CRHR2: variants seen among roughly 807,000 people sequenced by gnomAD.
CRHR2 encodes corticotropin-releasing hormone receptor 2.
A neutral mutation model predicts 57.9 loss-of-function variants in CRHR2; 53 were observed. The ratio of observed to expected loss-of-function variants is 0.92; its 90% confidence interval spans 0.73 to 1.15. The LOEUF (loss-of-function observed/expected upper bound fraction) is 1.15. Among genes scored for constraint, CRHR2 ranks in the 50% most tolerant of loss-of-function variants. CRHR2 has a pLI of 0.00. For missense variants in CRHR2, 532 were observed against 542.6 expected, an observed-to-expected ratio of 0.98 and a Z score of 0.19; for synonymous variants, 213 against 220.9, an observed-to-expected ratio of 0.96 and a Z score of 0.32.
At chr7:30,682,589 C>T, upstream of CRHR2, 1 of 996,884 alleles carries the variant, frequency 1.0e-6, no homozygotes, top group Non-Finnish European at 1.3e-6. Context: ...AGCCCCCGGG[C>T]CCTCCACCCT....
rs774214059 is a variant in CRHR2 at position 30,662,153 on chromosome 7, T to C, written c.758+3A>G. ...ACCCCCCATGGCTGGCCCATCCACT[T>C]ACTGTTCATTCTCATAGTAGAGCTT... On this transcript the variant is annotated splice_donor_region_variant and intron_variant, in intron 7 of 11. Transcript: ENST00000471646. 6.2e-7 allele frequency: 1 copy of C among 1,613,966 alleles called. No individual in the cohort carries two copies. Among genetic ancestry groups the C allele is most frequent in the Non-Finnish European group, 8.5e-7 (1 of 1,179,928 alleles).
intron 1 of CRHR2, 22 bp downstream of exon 1, chr7:30,682,156 C>G (rs1332376326): frequency 6.5e-7 from 1 of 1,546,070 alleles, no homozygotes; most frequent in South Asian, 1.2e-5. Context: ...GCGCAGCCTC[C>G]GACCGCTCGC....
chr7:30,684,260 GT>G (rs1784809878), upstream of CRHR2, among the ~76,000 whole-genome samples: 1 of 152,242 alleles, frequency 6.6e-6, no homozygotes, highest in Non-Finnish European at 1.5e-5. Context: ...AGGCCAGAGG[GT>G]GGCTGGCCAG....
At chr7:30,664,864 G>C (rs992636710) in intron 5 of CRHR2, among the ~76,000 whole-genome samples, 2 of 151,950 alleles carry the variant, frequency 1.3e-5, no homozygotes, top group Admixed American at 6.6e-5. Context: ...TTCTCAGAGT[G>C]GGGGCAAGAA....
chr7:30,699,140 G>A (rs1562814973), intron 1 of CRHR2, among the ~76,000 whole-genome samples: 3 of 152,126 alleles, frequency 2.0e-5, no homozygotes, highest in Non-Finnish European at 4.4e-5. Flanking sequence ...CTACCACTCT[G>A]AGCCTCAGTT....
chr7:30,666,413 T>C (rs934352465), intron 3 of CRHR2, among the ~76,000 whole-genome samples: 3 of 152,234 alleles, frequency 2.0e-5, no homozygotes, highest in African/African-American at 7.2e-5. Context: ...AAATACTCCT[T>C]CCTGCCAGGG....
Position 30,652,066 on chromosome 7 carries a change from A to G in CRHR2, c.*1394T>C, listed in dbSNP as rs533676158. The G allele has an allele frequency of 3.9e-5, 6 of 152,388 alleles. No individual in the cohort carries two copies. Among genetic ancestry groups the G allele is most frequent in the South Asian group, 4.1e-4 (2 of 4,832 alleles). 9.4% of individuals were successfully genotyped at this position (152,388 alleles called of 1,614,324 possible). ...ACTACATGTCAACTTAAAAATGTGCAAGACGGGATACATGATTTTTCAAAA... is the reference window on the plus strand; with the variant it reads ...ACTACATGTCAACTTAAAAATGTGCGAGACGGGATACATGATTTTTCAAAA... On this transcript the variant is annotated 3_prime_UTR_variant, in exon 12 of 12. Transcript: ENST00000471646. The surrounding 1 kb of genome is among the most constrained non-coding windows in gnomAD (Gnocchi z 4.4).
intron 7 of CRHR2, among the ~76,000 whole-genome samples, chr7:30,661,150 A>G (rs1783983805): frequency 6.6e-6 from 1 of 152,208 alleles, no homozygotes; most frequent in South Asian, 2.1e-4. Flanking sequence ...TTGTGCACCC[A>G]GTGAGGGGAG....
intron 1 of CRHR2, among the ~76,000 whole-genome samples, chr7:30,692,707 T>TA (rs1347970417): frequency 6.6e-6 from 1 of 152,162 alleles, no homozygotes; most frequent in Non-Finnish European, 1.5e-5. Context: ...AGTCAGCACT[T>TA]ACTCTAGTGC....
chr7:30,659,488 C>A (rs967054171), intron 8 of CRHR2, among the ~76,000 whole-genome samples: 1 of 152,184 alleles, frequency 6.6e-6, no homozygotes, highest in African/African-American at 2.4e-5. Context: ...GGTTTCCATA[C>A]ACACTGAGGG....
At chr7:30,685,231 C>A (rs1376805547), upstream of CRHR2, among the ~76,000 whole-genome samples, 1 of 152,206 alleles carries the variant, frequency 6.6e-6, no homozygotes, top group Non-Finnish European at 1.5e-5. Context: ...GACACACTTG[C>A]AAAGCCTAAT....
At chr7:30,661,045 G>A (rs538155481) in intron 7 of CRHR2, among the ~76,000 whole-genome samples, 30 of 152,328 alleles carry the variant, frequency 2.0e-4, no homozygotes, top group Non-Finnish European at 2.9e-4. Context: ...CCGCTGTTCC[G>A]TGTGCCAGGC....
At chr7:30,658,073 T>G (rs1783858684) in intron 8 of CRHR2, among the ~76,000 whole-genome samples, 1 of 152,202 alleles carries the variant, frequency 6.6e-6, no homozygotes, top group Non-Finnish European at 1.5e-5. Flanking sequence ...CATCTCAGCT[T>G]GGGTCTATGT....
chr7:30,660,710 G>A (rs1783967451), intron 7 of CRHR2, 65 bp from the exon 8 acceptor site: 3 of 1,474,214 alleles, frequency 2.0e-6, no homozygotes, highest in African/African-American at 1.4e-5. Flanking sequence ...CACAGACTTG[G>A]GCCCAGGGTC....
chr7:30,665,658 G>T lies in CRHR2; in HGVS notation c.316-19C>A. On this transcript the variant is annotated intron_variant, in intron 3 of 11. Coordinates refer to ENST00000471646, the MANE Select transcript of CRHR2 (RefSeq NM_001883.5). The surrounding 1 kb of genome is among the most constrained non-coding windows in gnomAD (Gnocchi z 4.5). ...TCCTCTGCTGGACAGACAGACATGG[G>T]CAGGGCAGATGGAGGCATGGGCACG... 6.5e-7 allele frequency: 1 copy of T among 1,550,280 alleles called. No homozygotes were observed. Among genetic ancestry groups the T allele is most frequent in the African/African-American group, 1.4e-5 (1 of 73,170 alleles).
chr7:30,682,023 T>G lies in CRHR2; in HGVS notation c.121A>C (p.Asn41His). The change falls in exon 2 of 12, where the codon AAC (asparagine) becomes CAC (histidine). Residue 41 changes from asparagine (N) to histidine (H), a missense_variant. Physicochemically the swap from Asn to His is moderately conservative, Grantham distance 68. Coordinates refer to ENST00000471646, the MANE Select transcript of CRHR2 (RefSeq NM_001883.5). The part of the protein sequence containing the change: ...LDPEGPYSYC[N>H]TTLDQIGTCW... ...GTTCCGATCTGGTCCAAGGTCGTGT[T>G]GCAGTAGGAGTAGGGACCTGGCGGC... 6.3e-7 allele frequency: 1 copy of G among 1,596,302 alleles called. No individual in the cohort carries two copies. Among genetic ancestry groups the G allele is most frequent in the Non-Finnish European group, 8.5e-7 (1 of 1,171,906 alleles).
chr7:30,686,584 A>G (rs567887798), upstream of CRHR2: 21 of 1,437,756 alleles, frequency 1.5e-5, no homozygotes, highest in African/African-American at 1.6e-4. Flanking sequence ...CAAGGTAGGC[A>G]GATTGCTTGA....
chr7:30,683,679 C>A (rs41333746), upstream of CRHR2, among the ~76,000 whole-genome samples: 1,125 of 152,316 alleles, frequency 7.4e-3, 6 homozygotes, highest in Non-Finnish European at 0.012. Context: ...TTCCCCGAGG[C>A]CCCTCTCAGC....
At chr7:30,691,318 G>A (rs1327476026) in intron 1 of CRHR2, among the ~76,000 whole-genome samples, 1 of 152,246 alleles carries the variant, frequency 6.6e-6, no homozygotes, top group Non-Finnish European at 1.5e-5. Context: ...CCAGAGGCAT[G>A]CAGTGTCCAC....
Sources: allele counts gnomAD v4.1 joint callset (sites outside exome capture counted in the v4.1 genomes callset), GRCh38; gene constraint gnomAD v4.1.1; non-coding constraint Gnocchi (gnomAD v3.1); transcripts MANE v1.5; gene names NCBI Gene and HGNC (gene_info 2026-07-23, HGNC 2026-07-21).